The following CDC42 variants were observed in gnomAD, a reference collection of about 807,000 sequenced individuals.
CDC42 encodes the protein cell division cycle 42, also known as cell division control protein 42 homolog.
CDC42 carries 1 observed loss-of-function variant against 20.8 expected under a neutral mutation model. That is an observed-to-expected ratio of 0.05 (90% CI 0.02 to 0.23). The LOEUF is 0.23. Ranked by LOEUF, CDC42 falls within the 10% of genes least tolerant of loss-of-function variation. The pLI is 1.00. For missense variants in CDC42, 49 were observed against 227.9 expected (o/e 0.21, Z 5.05); for synonymous variants, 72 against 84.8 (o/e 0.85, Z 0.83).
chr1:22,079,750 G>A (rs1273749693), intron 2 of CDC42, among the ~76,000 whole-genome samples: 2 of 152,180 alleles, frequency 1.3e-5, no homozygotes, highest in Non-Finnish European at 2.9e-5. Context: ...AGTGAGGACA[G>A]CTATCAGAAT....
chr1:22,057,225 AG>A (rs1194838283), intron 1 of CDC42, among the ~76,000 whole-genome samples: 3 of 152,164 alleles, frequency 2.0e-5, no homozygotes, highest in Admixed American at 6.6e-5. Context: ...TGAAGTGTTT[AG>A]GACTGTTCAC....
chr1:22,087,287 T>A (rs1645670808), intron 5 of CDC42, among the ~76,000 whole-genome samples: 1 of 152,182 alleles, frequency 6.6e-6, no homozygotes, highest in Admixed American at 6.5e-5. Context: ...TCAACCAGGA[T>A]AGGGAATTAG....
chr1:22,078,928 A>C, intron 2 of CDC42: 3 of 1,062,696 alleles, frequency 2.8e-6, no homozygotes, highest in Non-Finnish European at 3.6e-6. Context: ...ATTATTGATC[A>C]GTACTTGGAG....
In CDC42 at chr1:22,094,648, A is replaced by T. The variant is rs1471631451; in HGVS notation, c.*3131A>T. On this transcript the variant is annotated 3_prime_UTR_variant, in exon 6 of 6. Coordinates refer to ENST00000656825, the MANE Select transcript of CDC42 (RefSeq NM_001791.4). ...TGTTCTTCAAGCTGGACTTTATGCC[A>T]CAAGGGGAGTGTATTCTAAAGGGGA... Among the ~76,000 whole-genome samples, 5 of 152,178 alleles carry T rather than the reference A, an allele frequency of 3.3e-5. No homozygotes were observed. The highest frequency in any genetic ancestry group is 7.4e-5 in the Non-Finnish European group (5 of 68,026).
At chr1:22,064,724 C>T (rs542307818) in intron 1 of CDC42, among the ~76,000 whole-genome samples, 2 of 151,806 alleles carry the variant, frequency 1.3e-5, no homozygotes, top group African/African-American at 4.8e-5. Flanking sequence ...CTCTGTTGCC[C>T]AGCCTGGAGT....
rs768942398 is a variant in CDC42 at position 22,086,707 on chromosome 1, T to A, written c.327T>A (p.Pro109=). The A allele has an allele frequency of 3.7e-6, 6 of 1,614,136 alleles. No individual in the cohort carries two copies. The Admixed American group carries it at 1.0e-4, about 27-fold the overall frequency. The change falls in exon 5 of 6, where the codon CCT becomes CCA. Residue 109 remains proline, a synonymous_variant. Transcript: ENST00000656825. ...PEITHHCPKT[P]FLLVGTQIDL... ...TAACTCACCACTGTCCAAAGACTCC[T>A]TTCTTGCTTGTTGGGACTCAAATTG...
rs890981603 is a variant in CDC42 at position 22,099,669 on chromosome 1, G to T, written c.*8152G>T. Among the ~76,000 whole-genome samples the T allele has an allele frequency of 3.3e-5, 5 of 152,186 alleles. No individual in the cohort carries two copies. The highest frequency in any genetic ancestry group is 7.3e-5 in the Non-Finnish European group (5 of 68,044). ...TTTGGGGGAGGTGACTTTAGGATCAGTTGTAGCATGAGAGAATATGACACC... is the reference window on the plus strand; with the variant it reads ...TTTGGGGGAGGTGACTTTAGGATCATTTGTAGCATGAGAGAATATGACACC... On this transcript the variant is annotated 3_prime_UTR_variant, in exon 6 of 6. Coordinates refer to ENST00000656825, the MANE Select transcript of CDC42 (RefSeq NM_001791.4).
chr1:22,088,341 C>T (rs900666100), intron 5 of CDC42, among the ~76,000 whole-genome samples: 3 of 152,168 alleles, frequency 2.0e-5, no homozygotes, highest in Admixed American at 6.5e-5. Context: ...TTTTAGGTTA[C>T]TAGTGATGCT....
intron 3 of CDC42, among the ~76,000 whole-genome samples, chr1:22,082,050 G>C (rs1645613132): frequency 6.7e-6 from 1 of 150,272 alleles, no homozygotes; most frequent in African/African-American, 2.4e-5. Context: ...CATCATACAA[G>C]CTCCAAATTG....
intron 2 of CDC42, chr1:22,078,926 T>G (rs1240179754): frequency 8.9e-7 from 1 of 1,124,434 alleles, no homozygotes; most frequent in Admixed American, 3.5e-5. Context: ...CAATTATTGA[T>G]CAGTACTTGG....
At chr1:22,064,445 A>G (rs1645399823) in intron 1 of CDC42, among the ~76,000 whole-genome samples, 1 of 151,802 alleles carries the variant, frequency 6.6e-6, no homozygotes, top group South Asian at 2.1e-4. Flanking sequence ...GGTGTGCATC[A>G]TCGTGCCTGC....
chr1:22,065,091 C>G (rs1484991807), intron 1 of CDC42, among the ~76,000 whole-genome samples: 1 of 152,218 alleles, frequency 6.6e-6, no homozygotes, highest in African/African-American at 2.4e-5. Context: ...ACTATTGTCT[C>G]TGTTTTACAA....
chr1:22,073,774 C>T (rs141347703), intron 1 of CDC42, among the ~76,000 whole-genome samples: 2 of 152,206 alleles, frequency 1.3e-5, no homozygotes, highest in African/African-American at 4.8e-5. Flanking sequence ...CCACCTCAGC[C>T]TCCCTGGTAA....
Position 22,097,337 on chromosome 1 carries a change from A to G in CDC42, c.*5820A>G, listed in dbSNP as rs1645764411. ...AGTGGCGTGATCTCGGCTTGCTGCA[A>G]TCTCTGCAATTCTCATGCCTCAGCC... is the stretch of plus-strand genomic sequence containing the variant. On this transcript the variant is annotated 3_prime_UTR_variant, in exon 6 of 6. Coordinates refer to ENST00000656825, the MANE Select transcript of CDC42 (RefSeq NM_001791.4). Among the ~76,000 whole-genome samples, 2 of 152,076 alleles carry G rather than the reference A, an allele frequency of 1.3e-5. No homozygotes were observed. Among genetic ancestry groups the G allele is most frequent in the South Asian group, 4.1e-4 (2 of 4,834 alleles).
intron 1 of CDC42, chr1:22,053,338 G>A (rs1234306162): frequency 6.6e-6 from 1 of 151,842 alleles, no homozygotes; most frequent in East Asian, 1.9e-4. Context: ...CTGGCTGCTC[G>A]CGGCGGTGCC....
chr1:22,080,089 A>G (rs1645592837), intron 2 of CDC42, among the ~76,000 whole-genome samples: 1 of 152,220 alleles, frequency 6.6e-6, no homozygotes, highest in South Asian at 2.1e-4. Flanking sequence ...TTCTAGAGTA[A>G]TAGAAATTCA....
chr1:22,055,747 T>C (rs1229657706), intron 1 of CDC42, among the ~76,000 whole-genome samples: 1 of 152,146 alleles, frequency 6.6e-6, no homozygotes, highest in Non-Finnish European at 1.5e-5. Context: ...TGTTGGCCTC[T>C]GAAAGTGCTG....
At position 22,093,152 on chromosome 1, in the gene CDC42, C is replaced by T. The variant is rs964081376; in HGVS notation, c.*1635C>T. Among the ~76,000 whole-genome samples the T allele has an allele frequency of 6.6e-6, 1 of 152,034 alleles. No homozygotes were observed. Among genetic ancestry groups the T allele is most frequent in the Admixed American group, 6.6e-5 (1 of 15,256 alleles). The stretch of plus-strand genomic sequence containing the variant: ...TTGTGCTTTCTCCTCTAAGTTTGAC[C>T]CTTCCCTTAAATACCAAGTAGGTCC... On this transcript the variant is annotated 3_prime_UTR_variant, in exon 6 of 6. Transcript: ENST00000656825.
intron 3 of CDC42, among the ~76,000 whole-genome samples, chr1:22,085,594 C>T (rs1645653818): frequency 6.6e-6 from 1 of 152,100 alleles, no homozygotes; most frequent in African/African-American, 2.4e-5. Context: ...TAATTTCTTT[C>T]AGCAGTTTTG....
Sources: allele counts gnomAD v4.1 joint callset (sites outside exome capture counted in the v4.1 genomes callset), GRCh38; gene constraint gnomAD v4.1.1; transcripts MANE v1.5; gene names NCBI Gene and HGNC (gene_info 2026-07-23, HGNC 2026-07-21).